Variants in AUNIP observed in about 807,000 individuals in gnomAD.
AUNIP encodes the protein aurora kinase A and ninein interacting protein.
AUNIP carries 16 observed loss-of-function variants against 12.2 expected under a neutral mutation model. That is an observed-to-expected ratio of 1.31 (90% confidence interval 0.88 to 1.99). The LOEUF (loss-of-function observed/expected upper bound fraction) is 1.99. Ranked by LOEUF, AUNIP falls within the 30% of genes most tolerant of loss-of-function variation. The pLI, the probability that AUNIP is intolerant of heterozygous loss-of-function variation, is 0.00. For synonymous variants in AUNIP, 142 were observed against 154.8 expected (o/e 0.92, Z 0.61); for missense variants, 411 against 419.1 (o/e 0.98, Z 0.17).
chr1:25,837,452 G>C lies in AUNIP; in HGVS notation c.181C>G (p.His61Asp), dbSNP rs1415437586. The C allele has an allele frequency of 6.2e-7, 1 of 1,614,052 alleles. No homozygotes were observed. Among genetic ancestry groups the C allele is most frequent in the Non-Finnish European group, 8.5e-7 (1 of 1,179,964 alleles). Residue 61 changes from histidine (H) to aspartate (D), a missense_variant, in exon 2 of 3, where the codon CAC becomes GAC. Physicochemically the swap from His to Asp is moderately conservative, Grantham distance 81. Coordinates refer to ENST00000374298, the MANE Select transcript of AUNIP (RefSeq NM_024037.3). Reference protein sequence around the residue: ...TQRRAPSTGIHQRSIASFFTL... With the variant: ...TQRRAPSTGIDQRSIASFFTL... ...AAGAAGGAAGCAATGCTTCTCTGGT[G>C]AATGCCTGTAGATGGAGCTCTTCTT...
chr1:25,857,252 T>A (rs1485188303), intron 1 of AUNIP, among the ~76,000 whole-genome samples: 1 of 150,338 alleles, frequency 6.7e-6, no homozygotes, highest in Non-Finnish European at 1.5e-5. Flanking sequence ...TTTTGATTTT[T>A]TTTTTTTTTT....
rs2048394109 is a variant in AUNIP at position 25,847,709 on chromosome 1, A to T, written c.79-10155T>A. On this transcript the variant is annotated intron_variant, in intron 1 of 2. Coordinates refer to ENST00000374298, the MANE Select transcript of AUNIP (RefSeq NM_024037.3). The surrounding 1 kb of genome is among the most constrained non-coding windows in gnomAD (Gnocchi z 4.2). ...AGTGGCTCACACCTGTAATCCCAGCACTTTGGGAGGCACATCACTTGAGCT... is the reference window on the plus strand; with the variant it reads ...AGTGGCTCACACCTGTAATCCCAGCTCTTTGGGAGGCACATCACTTGAGCT... 6.6e-6 allele frequency among the ~76,000 whole-genome samples: 1 copy of T among 152,152 alleles called. No individual in the cohort carries two copies. The highest frequency in any genetic ancestry group is 2.4e-5 in the African/African-American group (1 of 41,442).
intron 1 of AUNIP, among the ~76,000 whole-genome samples, chr1:25,848,301 A>G (rs973412205): frequency 6.6e-6 from 1 of 151,954 alleles, no homozygotes; most frequent in Non-Finnish European, 1.5e-5. Flanking sequence ...CCAACACAGT[A>G]AGACCCCGTC....
At chr1:25,856,655 A>T (rs2048464065) in intron 1 of AUNIP, among the ~76,000 whole-genome samples, 1 of 152,130 alleles carries the variant, frequency 6.6e-6, no homozygotes, top group Non-Finnish European at 1.5e-5. Context: ...AGCCCGGGCA[A>T]CAAGAGCAAG....
chr1:25,859,344 C>G lies in AUNIP; in HGVS notation c.14G>C (p.Gly5Ala), dbSNP rs144192106. The G allele has an allele frequency of 1.2e-5, 18 of 1,548,330 alleles. No individual in the cohort carries two copies. The highest frequency in any genetic ancestry group is 1.5e-5 in the Non-Finnish European group (17 of 1,149,646). Reference sequence around the variant, plus strand: ...CACGCCGCAGGCCTCCTCCTCGGGGCCTGTCCGCCTCATGGCCGCTGAGGA... The same window carrying G: ...CACGCCGCAGGCCTCCTCCTCGGGGGCTGTCCGCCTCATGGCCGCTGAGGA... MRRTGPEEEACGVWL... is the reference protein window; with the variant it reads MRRTAPEEEACGVWL... Residue 5 changes from glycine (G) to alanine (A), a missense_variant, in exon 1 of 3, where the codon GGC becomes GCC. Transcript: ENST00000374298.
chr1:25,833,211 C>T (rs1299928749), downstream of AUNIP, among the ~76,000 whole-genome samples: 1 of 152,032 alleles, frequency 6.6e-6, no homozygotes, highest in Non-Finnish European at 1.5e-5. Context: ...AACTCCTGGG[C>T]TCAAGTGAGC....
downstream of AUNIP, chr1:25,832,199 A>C (rs1430605105): frequency 1.3e-6 from 2 of 1,530,484 alleles, no homozygotes; most frequent in Admixed American, 3.9e-5. Context: ...CCAGACTTCA[A>C]ACCCTAGCAG....
intron 2 of AUNIP, among the ~76,000 whole-genome samples, chr1:25,836,724 TG>T (rs2048306050): frequency 6.6e-6 from 1 of 152,210 alleles, no homozygotes; most frequent in Non-Finnish European, 1.5e-5. Flanking sequence ...GTGGGTTTTT[TG>T]TTTGTTTTTT....
chr1:25,837,964 G>A (rs574048185), intron 1 of AUNIP, among the ~76,000 whole-genome samples: 10 of 152,270 alleles, frequency 6.6e-5, no homozygotes, highest in Admixed American at 3.3e-4. Flanking sequence ...TCCTTGGCCG[G>A]GCGCGGTGGC....
intron 1 of AUNIP, among the ~76,000 whole-genome samples, chr1:25,844,395 G>C (rs138236517): frequency 6.6e-6 from 1 of 152,082 alleles, no homozygotes; most frequent in African/African-American, 2.4e-5. Context: ...CATTGTGCCC[G>C]GCCAAGTGTG....
chr1:25,834,191 T>C lies in AUNIP; in HGVS notation c.*802A>G. On this transcript the variant is annotated 3_prime_UTR_variant, in exon 3 of 3. Coordinates refer to ENST00000374298, the MANE Select transcript of AUNIP (RefSeq NM_024037.3). ...TTACCACAAAAATAAAATAGGAAAC[T>C]AGCACCATTCTACCTCTCTTCTCTC... 1 of 985,310 alleles carries C rather than the reference T, an allele frequency of 1.0e-6. No individual in the cohort carries two copies. The highest frequency in any genetic ancestry group is 1.2e-6 in the Non-Finnish European group (1 of 829,892). The allele number at this position is 985,310 out of a possible 1,614,324, so 61.0% of individuals were successfully genotyped here.
At chr1:25,856,936 C>T (rs1393255120) in intron 1 of AUNIP, among the ~76,000 whole-genome samples, 2 of 150,524 alleles carry the variant, frequency 1.3e-5, no homozygotes, top group Admixed American at 6.6e-5. Flanking sequence ...AGCGAAACCC[C>T]GTCTCTACAA....
Position 25,835,493 on chromosome 1 carries a change from CTT to C in AUNIP, c.572_573del (p.Lys191ArgfsTer12). On this transcript the variant is annotated frameshift_variant, in exon 3 of 3. Transcript: ENST00000374298. LOFTEE classifies it low-confidence loss of function (END_TRUNC). ...SSCLLDRKEEKGDSARKWEWL... is the reference protein window; with the variant it reads ...SSCLLDRKEEXGDSARKWEWL... ...CATTCCCATTTCCTGGCAGAATCCC[CTT>C]TTTCTTCCTTTCGGTCTAGCAAACA... 1 of 1,614,262 alleles carries C rather than the reference CTT, an allele frequency of 6.2e-7. No homozygotes were observed. Among genetic ancestry groups the C allele is most frequent in the Non-Finnish European group, 8.5e-7 (1 of 1,180,052 alleles).
chr1:25,834,264 C>G lies in AUNIP; in HGVS notation c.*729G>C. On this transcript the variant is annotated 3_prime_UTR_variant, in exon 3 of 3. Coordinates refer to ENST00000374298, the MANE Select transcript of AUNIP (RefSeq NM_024037.3). ...TTGCTAATCACTGAAAAAAAAGGGTCAAGAGTAATCATCCCAAGCTTAGGC... is the reference window on the plus strand; with the variant it reads ...TTGCTAATCACTGAAAAAAAAGGGTGAAGAGTAATCATCCCAAGCTTAGGC... 2 of 985,314 alleles carry G rather than the reference C, an allele frequency of 2.0e-6. No individual in the cohort carries two copies. Among genetic ancestry groups the G allele is most frequent in the Non-Finnish European group, 2.4e-6 (2 of 829,918 alleles). 61.0% of individuals were successfully genotyped at this position (985,314 alleles called of 1,614,324 possible).
chr1:25,842,438 T>G (rs190572241), intron 1 of AUNIP, among the ~76,000 whole-genome samples: 81 of 152,332 alleles, frequency 5.3e-4, no homozygotes, highest in African/African-American at 1.9e-3. Flanking sequence ...GGAAAAAAAC[T>G]GTCCCTATAA....
chr1:25,843,753 G>T (rs1340649981), intron 1 of AUNIP, among the ~76,000 whole-genome samples: 1 of 152,076 alleles, frequency 6.6e-6, no homozygotes, highest in Non-Finnish European at 1.5e-5. Context: ...AAATGTGATG[G>T]AAATAGCAAG....
chr1:25,853,274 C>T (rs2048436518), intron 1 of AUNIP, among the ~76,000 whole-genome samples: 1 of 152,082 alleles, frequency 6.6e-6, no homozygotes, highest in East Asian at 1.9e-4. Context: ...TGCTTTGTAA[C>T]GAATTACCAC....
downstream of AUNIP, chr1:25,832,965 T>A (rs559372637): frequency 6.6e-6 from 1 of 152,298 alleles, no homozygotes; most frequent in African/African-American, 2.4e-5. Context: ...ATCTCTTGAG[T>A]TGCGATTACC....
chr1:25,853,664 C>T (rs213647), intron 1 of AUNIP, among the ~76,000 whole-genome samples: 28,640 of 152,068 alleles, frequency 0.19, 2,909 homozygotes, highest in Non-Finnish European at 0.22. Flanking sequence ...GGGTGGTTAG[C>T]TTGGTGGTTC....
Sources: allele counts gnomAD v4.1 joint callset (sites outside exome capture counted in the v4.1 genomes callset), GRCh38; gene constraint gnomAD v4.1.1; non-coding constraint Gnocchi (gnomAD v3.1); transcripts MANE v1.5; gene names NCBI Gene and HGNC (gene_info 2026-07-23, HGNC 2026-07-21).